Variants in PPP1R12B observed in about 807,000 individuals in gnomAD.
The protein encoded by PPP1R12B is protein phosphatase 1 regulatory subunit 12B.
A neutral mutation model predicts 126.1 loss-of-function variants in PPP1R12B; 76 were observed. The observed-to-expected ratio is 0.60, with a 90% CI of 0.50 to 0.73. The LOEUF (loss-of-function observed/expected upper bound fraction) is 0.73, where lower values mean the gene tolerates loss of function less well. Ranked by LOEUF, PPP1R12B falls within the 30% of genes least tolerant of loss-of-function variation. The pLI is 0.00. For missense variants in PPP1R12B, 1,052 were observed against 1,205.1 expected, an observed-to-expected ratio of 0.87 and a Z score of 1.88; for synonymous variants, 356 against 434.7, an observed-to-expected ratio of 0.82 and a Z score of 2.25.
At chr1:202,381,519 G>A (rs1662285498) in intron 1 of PPP1R12B, among the ~76,000 whole-genome samples, 1 of 151,048 alleles carries the variant, frequency 6.6e-6, no homozygotes, top group African/African-American at 2.4e-5. Context: ...TGCTCATCCT[G>A]GCTTTCAATT....
In PPP1R12B at chr1:202,453,707, CTT is replaced by C. The variant is rs60983248; in HGVS notation, c.1850+4549_1850+4550del. Among the ~76,000 whole-genome samples, 262 of 145,828 alleles carry C rather than the reference CTT, an allele frequency of 1.8e-3. 3 individuals carry two copies. The East Asian group carries it at 0.025, about 14-fold the overall frequency. Reference sequence around the variant, plus strand: ...GTCTAATATGTCTATTATAAAGACACTTTTTTTTTTTTTTATAAAGACACATT... The same window carrying C: ...GTCTAATATGTCTATTATAAAGACACTTTTTTTTTTTTATAAAGACACATT... On this transcript the variant is annotated intron_variant, in intron 13 of 23. Transcript: ENST00000608999.
intron 6 of PPP1R12B, among the ~76,000 whole-genome samples, chr1:202,429,257 T>C (rs1003901955): frequency 2.0e-5 from 3 of 152,232 alleles, no homozygotes; most frequent in African/African-American, 4.8e-5. Flanking sequence ...AAATAGAAAG[T>C]ACCAGAGTGG....
At chr1:202,554,390 T>G (rs1450701860) in intron 18 of PPP1R12B, among the ~76,000 whole-genome samples, 2 of 152,156 alleles carry the variant, frequency 1.3e-5, no homozygotes, top group African/African-American at 2.4e-5. Flanking sequence ...GAAATAATAT[T>G]GTTTGTATTA....
chr1:202,467,092 C>T (rs1675097102), intron 13 of PPP1R12B, among the ~76,000 whole-genome samples: 1 of 152,188 alleles, frequency 6.6e-6, no homozygotes, highest in South Asian at 2.1e-4. Context: ...CACCATTCCA[C>T]CATCTACAGT....
intron 23 of PPP1R12B, chr1:202,577,121 T>A (rs1689165248): frequency 6.6e-6 from 1 of 152,158 alleles, no homozygotes; most frequent in South Asian, 2.1e-4. Context: ...AAGCCTAACT[T>A]CTAAAGAGCC....
At chr1:202,422,826 A>T in intron 3 of PPP1R12B, 88 bp downstream of exon 3, 1 of 1,572,490 alleles carries the variant, frequency 6.4e-7, no homozygotes. Context: ...AGAGCATTTC[A>T]CTATCACATG....
chr1:202,370,323 T>C (rs944952995), intron 1 of PPP1R12B, among the ~76,000 whole-genome samples: 6 of 152,234 alleles, frequency 3.9e-5, no homozygotes, highest in Non-Finnish European at 8.8e-5. Flanking sequence ...ATCCATAGTT[T>C]ATTGTTTTTT....
chr1:202,431,638 T>A lies in PPP1R12B; in HGVS notation c.1141+19T>A. The A allele has an allele frequency of 6.3e-7, 1 of 1,596,272 alleles. No homozygotes were observed. ...GAGGCAGGTAATGCAAAGATGTTCA[T>A]AGTGAAGATCCTCTATCTCCATAGT... On this transcript the variant is annotated intron_variant, in intron 8 of 23. Transcript: ENST00000608999.
chr1:202,557,401 A>G (rs142638217), intron 18 of PPP1R12B, among the ~76,000 whole-genome samples: 44 of 152,340 alleles, frequency 2.9e-4, no homozygotes, highest in Non-Finnish European at 5.0e-4. Flanking sequence ...AGTGTGGGGT[A>G]TACATATGAA....
At position 202,363,736 on chromosome 1, in the gene PPP1R12B, T is replaced by C. The variant is rs191842850; in HGVS notation, c.291+14594T>C. On this transcript the variant is annotated intron_variant, in intron 1 of 23. Transcript: ENST00000608999. ...AAAAAGAACATTAGAGGACACCATTTGACCCACCTGTGCCATTTTATTTTA... is the reference window on the plus strand; with the variant it reads ...AAAAAGAACATTAGAGGACACCATTCGACCCACCTGTGCCATTTTATTTTA... Among the ~76,000 whole-genome samples, 5 of 152,298 alleles carry C rather than the reference T, an allele frequency of 3.3e-5. No homozygotes were observed. In the East Asian group the frequency reaches 9.6e-4, roughly 29 times the overall value.
chr1:202,493,254 A>G lies in PPP1R12B; in HGVS notation c.2082A>G (p.Ser694=). 6.2e-7 allele frequency: 1 copy of G among 1,612,962 alleles called. No individual in the cohort carries two copies. The highest frequency in any genetic ancestry group is 1.7e-5 in the Admixed American group (1 of 60,004). ...LEGSPEKHEP[S]AVPATEAGEG... The stretch of plus-strand genomic sequence containing the variant: ...GGAGCCCTGAGAAGCATGAGCCCTC[A>G]GCAGTTCCAGCAACAGAAGCTGGGG... The change falls in exon 15 of 24, where the codon TCA becomes TCG. Residue 694 remains serine, a synonymous_variant. Transcript: ENST00000608999.
chr1:202,521,493 A>G (rs1475131233), intron 18 of PPP1R12B, among the ~76,000 whole-genome samples: 1 of 152,218 alleles, frequency 6.6e-6, no homozygotes, highest in Non-Finnish European at 1.5e-5. Context: ...TGAAGAACAG[A>G]TAATGAAACA....
intron 1 of PPP1R12B, among the ~76,000 whole-genome samples, chr1:202,367,523 C>G (rs932682096): frequency 8.5e-5 from 13 of 152,180 alleles, no homozygotes; most frequent in Non-Finnish European, 1.8e-4. Flanking sequence ...ACATTAGTGT[C>G]CTCCTTGTTT....
intron 1 of PPP1R12B, among the ~76,000 whole-genome samples, chr1:202,365,956 C>G (rs947326745): frequency 6.6e-6 from 1 of 152,094 alleles, no homozygotes; most frequent in Non-Finnish European, 1.5e-5. Context: ...CACCGCTGCA[C>G]TCCAGCCTGG....
intron 1 of PPP1R12B, among the ~76,000 whole-genome samples, chr1:202,409,439 A>C (rs1434041223): frequency 6.6e-6 from 1 of 151,398 alleles, no homozygotes; most frequent in East Asian, 2.0e-4. Flanking sequence ...CCCCTGCCTC[A>C]GCCTCCCAAG....
At chr1:202,549,473 G>A (rs914512959) in intron 18 of PPP1R12B, among the ~76,000 whole-genome samples, 1 of 148,550 alleles carries the variant, frequency 6.7e-6, no homozygotes, top group Non-Finnish European at 1.5e-5. Context: ...AGGCTGGAGT[G>A]CAGTGGCGTG....
chr1:202,400,915 T>C (rs1041914328), intron 1 of PPP1R12B, among the ~76,000 whole-genome samples: 10 of 152,256 alleles, frequency 6.6e-5, no homozygotes, highest in Non-Finnish European at 1.3e-4. Flanking sequence ...CTATAGCTCA[T>C]GGGCCAAATC....
chr1:202,391,083 G>C (rs572639679), intron 1 of PPP1R12B, among the ~76,000 whole-genome samples: 2 of 152,120 alleles, frequency 1.3e-5, no homozygotes, highest in East Asian at 3.9e-4. Context: ...AAAGTGATAA[G>C]ACAACCCACA....
intron 14 of PPP1R12B, 55 bp downstream of exon 14, chr1:202,488,678 G>A (rs1454584669): frequency 1.6e-5 from 22 of 1,418,792 alleles, no homozygotes; most frequent in Non-Finnish European, 2.1e-5. Flanking sequence ...TCTGTTGGAG[G>A]TACAATCAAA....
Sources: allele counts gnomAD v4.1 joint callset (sites outside exome capture counted in the v4.1 genomes callset), GRCh38; gene constraint gnomAD v4.1.1; transcripts MANE v1.5; gene names NCBI Gene and HGNC (gene_info 2026-07-23, HGNC 2026-07-21).